CCDC141: variants seen among roughly 807,000 people sequenced by gnomAD.
The protein encoded by CCDC141 is coiled-coil domain-containing protein 141.
Under a neutral mutation model 181.0 loss-of-function variants are expected in CCDC141, and 168 were observed. The observed-to-expected ratio is 0.93, with a 90% confidence interval of 0.82 to 1.05. The LOEUF is 1.05. CCDC141 is among the 50% of genes least tolerant of loss of function. The pLI, the probability that CCDC141 is intolerant of heterozygous loss-of-function variation, is 0.00. For synonymous variants in CCDC141, 666 were observed against 642.3 expected, an observed-to-expected ratio of 1.04 and a Z score of -0.56; for missense variants, 1,902 against 1,788.5, an observed-to-expected ratio of 1.06 and a Z score of -1.14.
At chr2:178,955,271 C>T (rs984629210) in intron 5 of CCDC141, among the ~76,000 whole-genome samples, 8 of 151,754 alleles carry the variant, frequency 5.3e-5, no homozygotes, top group Non-Finnish European at 8.8e-5. Context: ...GGTGACAGAG[C>T]GAGACTCTGT....
At chr2:178,844,841 T>C (rs1353875105) in intron 22 of CCDC141, among the ~76,000 whole-genome samples, 1 of 152,232 alleles carries the variant, frequency 6.6e-6, no homozygotes, top group East Asian at 1.9e-4. Context: ...ACTTTGATTG[T>C]TCCTTCAGCT....
intron 2 of CCDC141, chr2:179,002,234 TC>T: frequency 4.0e-6 from 1 of 249,068 alleles, no homozygotes. Flanking sequence ...AACAAGGTTT[TC>T]CCATGAAGCA....
chr2:178,992,119 T>C (rs1692083273), intron 2 of CCDC141, among the ~76,000 whole-genome samples: 1 of 151,926 alleles, frequency 6.6e-6, no homozygotes, highest in Non-Finnish European at 1.5e-5. Context: ...TGTTTCCAAT[T>C]TTTGACTACT....
chr2:178,833,114 T>G lies in CCDC141; in HGVS notation c.*1059A>C, dbSNP rs576737853. 2.6e-3 allele frequency: 400 copies of G among 152,252 alleles called. 2 individuals are homozygous for G. The highest frequency in any genetic ancestry group is 9.1e-3 in the African/African-American group (378 of 41,538). The allele number at this position is 152,252 out of a possible 1,614,324, so 9.4% of individuals were successfully genotyped here. ...AAGCTCTAATTCATAAAACATCACTTTCCTCCATGGAACTAGTTGAAGATT... is the reference window on the plus strand; with the variant it reads ...AAGCTCTAATTCATAAAACATCACTGTCCTCCATGGAACTAGTTGAAGATT... On this transcript the variant is annotated 3_prime_UTR_variant, in exon 24 of 24. Coordinates refer to ENST00000443758, the MANE Select transcript of CCDC141 (RefSeq NM_173648.4).
At chr2:178,829,430 C>A (rs1673348677), downstream of CCDC141, among the ~76,000 whole-genome samples, 1 of 152,194 alleles carries the variant, frequency 6.6e-6, no homozygotes, top group South Asian at 2.1e-4. Flanking sequence ...ATGCCTCCAA[C>A]CTGCACTGAT....
intron 5 of CCDC141, among the ~76,000 whole-genome samples, chr2:178,952,257 G>A (rs987470048): frequency 3.3e-5 from 5 of 152,194 alleles, no homozygotes; most frequent in African/African-American, 1.2e-4. Context: ...GTATGCTAGT[G>A]ATTATCCAGT....
intron 2 of CCDC141, among the ~76,000 whole-genome samples, chr2:178,992,963 G>T (rs900310901): frequency 6.6e-6 from 1 of 152,138 alleles, no homozygotes; most frequent in South Asian, 2.1e-4. Context: ...CGCTGTGATT[G>T]TAAGTTTTCT....
At chr2:178,826,304 A>G (rs1456835670), downstream of CCDC141, among the ~76,000 whole-genome samples, 2 of 152,158 alleles carry the variant, frequency 1.3e-5, no homozygotes, top group Admixed American at 6.5e-5. Context: ...GATTCTTTTT[A>G]TCCATTGTTA....
chr2:178,961,225 G>T lies in CCDC141; in HGVS notation c.780+5C>A. On this transcript the variant is annotated splice_donor_5th_base_variant and intron_variant, in intron 5 of 23. Coordinates refer to ENST00000443758, the MANE Select transcript of CCDC141 (RefSeq NM_173648.4). Reference sequence around the variant, plus strand: ...GGAACATCATCCAATGCCCCTTTGGGTTACCTGGTTTTCTTGTTGGTCCCA... The same window carrying T: ...GGAACATCATCCAATGCCCCTTTGGTTTACCTGGTTTTCTTGTTGGTCCCA... 2 of 1,549,854 alleles carry T rather than the reference G, an allele frequency of 1.3e-6. No individual in the cohort carries two copies. Among genetic ancestry groups the T allele is most frequent in the South Asian group, 1.2e-5 (1 of 83,992 alleles).
intron 20 of CCDC141, among the ~76,000 whole-genome samples, chr2:178,850,861 G>C (rs149508393): frequency 6.6e-6 from 1 of 152,244 alleles, no homozygotes; most frequent in East Asian, 1.9e-4. Context: ...TGTAATCCTT[G>C]GATAGATTCT....
chr2:179,017,306 G>A (rs1223471499), intron 2 of CCDC141, among the ~76,000 whole-genome samples: 1 of 151,928 alleles, frequency 6.6e-6, no homozygotes, highest in African/African-American at 2.4e-5. Context: ...CCATTCTATT[G>A]TAAACTAAAG....
chr2:178,869,213 C>G lies in CCDC141; in HGVS notation c.2298G>C (p.Lys766Asn), dbSNP rs1685997357. The change falls in exon 15 of 24, where the codon AAG (lysine) becomes AAC (asparagine). Residue 766 changes from lysine to asparagine, a missense_variant. Transcript: ENST00000443758. ...APVKEKSQQL[K>N]DLIHFHQKQK... ...GTTTTTGATGGAAGTGAATAAGGTC[C>G]TTCAGTTGTTGAGACTTTTCTTTTA... 1 of 1,613,542 alleles carries G rather than the reference C, an allele frequency of 6.2e-7. No homozygotes were observed. The highest frequency in any genetic ancestry group is 1.7e-5 in the Admixed American group (1 of 59,966).
intron 8 of CCDC141, among the ~76,000 whole-genome samples, chr2:178,890,018 G>T (rs1339090362): frequency 6.6e-6 from 1 of 152,088 alleles, no homozygotes; most frequent in East Asian, 1.9e-4. Flanking sequence ...TGCTCAAAAG[G>T]CATTTAAAAG....
At chr2:178,828,221 A>C (rs572020804), downstream of CCDC141, among the ~76,000 whole-genome samples, 1 of 152,278 alleles carries the variant, frequency 6.6e-6, no homozygotes, top group Admixed American at 6.5e-5. Flanking sequence ...GAGTTCCCTA[A>C]AAACGTTTCC....
At chr2:178,857,827 CTG>C (rs138930300) in intron 17 of CCDC141, among the ~76,000 whole-genome samples, 9 of 152,288 alleles carry the variant, frequency 5.9e-5, no homozygotes, top group Non-Finnish European at 1.3e-4. Context: ...GGAATAAAGA[CTG>C]TGCATGTGCT....
chr2:178,984,080 C>T (rs1003821076), intron 2 of CCDC141, among the ~76,000 whole-genome samples: 1 of 151,956 alleles, frequency 6.6e-6, no homozygotes, highest in Non-Finnish European at 1.5e-5. Flanking sequence ...GTCGGGTTAC[C>T]CTCAAAGGGA....
At chr2:179,045,491 T>C (rs1229711496) in intron 2 of CCDC141, among the ~76,000 whole-genome samples, 1 of 152,214 alleles carries the variant, frequency 6.6e-6, no homozygotes, top group Non-Finnish European at 1.5e-5. Flanking sequence ...ATATGTTTTA[T>C]AGCAGCATGA....
intron 4 of CCDC141, among the ~76,000 whole-genome samples, chr2:178,967,901 A>T (rs1214019569): frequency 1.3e-5 from 2 of 152,202 alleles, no homozygotes; most frequent in African/African-American, 4.8e-5. Flanking sequence ...AATATTTACT[A>T]AGCAAATGGA....
At chr2:178,921,533 G>T (rs1688687330) in intron 6 of CCDC141, among the ~76,000 whole-genome samples, 1 of 150,802 alleles carries the variant, frequency 6.6e-6, no homozygotes, top group Non-Finnish European at 1.5e-5. Context: ...AGTAAAACAG[G>T]TTTTTTTTTG....
Sources: gnomAD v4.1 joint callset for allele counts (sites outside exome capture counted in the v4.1 genomes callset) on GRCh38, gnomAD v4.1.1 for gene constraint, MANE v1.5 for transcripts, NCBI Gene and HGNC (gene_info 2026-07-23, HGNC 2026-07-21) for gene names.